The following SH3D19 variants were observed in gnomAD, a reference collection of about 807,000 sequenced individuals.
SH3D19 encodes SH3 domain containing 19, also known as SH3 domain-containing protein 19.
A neutral mutation model predicts 112.1 loss-of-function variants in SH3D19; 58 were observed. The ratio of observed to expected loss-of-function variants is 0.52; its 90% CI spans 0.42 to 0.64. The LOEUF (loss-of-function observed/expected upper bound fraction) is 0.64, where lower values mean the gene tolerates loss of function less well. Among genes scored for constraint, SH3D19 ranks in the 30% least tolerant of loss-of-function variants. The pLI is 0.00. For missense variants in SH3D19, 1,090 were observed against 1,263.4 expected (o/e 0.86, Z 2.08); for synonymous variants, 391 against 448.5 (o/e 0.87, Z 1.62).
In SH3D19 at chr4:151,241,546, C is replaced by CTTTA. The variant is rs924908715; in HGVS notation, c.113-15464_113-15461dup. ...AACTCTGTGAATACACTAAAAACCA[C>CTTTA]TTTATTTATTTATTTATTTATCTAA... On this transcript the variant is annotated intron_variant, in intron 1 of 19. Transcript: ENST00000604030. 1.0e-3 allele frequency among the ~76,000 whole-genome samples: 149 copies of CTTTA among 144,622 alleles called. 2 individuals are homozygous for CTTTA. Among genetic ancestry groups the CTTTA allele is most frequent in the African/African-American group, 2.8e-3 (98 of 34,464 alleles). The allele number at this position is 144,622 out of a possible 152,430, so 94.9% of individuals were successfully genotyped here. A position where few individuals can be genotyped will look rare whatever the true frequency, so the allele number is the denominator to read the frequency against.
chr4:151,270,243 G>A (rs1773139040), intron 1 of SH3D19, among the ~76,000 whole-genome samples: 1 of 152,158 alleles, frequency 6.6e-6, no homozygotes, highest in Non-Finnish European at 1.5e-5. Flanking sequence ...TGGAGGTGGG[G>A]CCTGGTGGGA....
intron 1 of SH3D19, among the ~76,000 whole-genome samples, chr4:151,307,311 T>C (rs1055583334): frequency 3.3e-5 from 5 of 152,320 alleles, no homozygotes; most frequent in South Asian, 2.1e-4. Context: ...CGTGAGCCAC[T>C]GCGCCCGGCC....
At chr4:151,323,052 A>G (rs72969512) in intron 1 of SH3D19, among the ~76,000 whole-genome samples, 26 of 152,294 alleles carry the variant, frequency 1.7e-4, no homozygotes, top group African/African-American at 6.0e-4. Flanking sequence ...CTATTTCTTG[A>G]CTTGAGCATG....
At chr4:151,255,053 C>T (rs548526955) in intron 1 of SH3D19, among the ~76,000 whole-genome samples, 4,130 of 144,638 alleles carry the variant, frequency 0.029, 205 homozygotes, top group African/African-American at 0.099. Flanking sequence ...ACCTCCCGGA[C>T]GGGGCGGCTG....
intron 1 of SH3D19, among the ~76,000 whole-genome samples, chr4:151,299,564 G>C (rs564427450): frequency 7.8e-6 from 1 of 129,032 alleles, no homozygotes; most frequent in African/African-American, 3.0e-5. Context: ...TGGGCAACAA[G>C]AGCGAAACTC....
intron 3 of SH3D19, among the ~76,000 whole-genome samples, chr4:151,186,263 G>C (rs1761757798): frequency 6.6e-6 from 1 of 152,096 alleles, no homozygotes; most frequent in Non-Finnish European, 1.5e-5. Flanking sequence ...TTGACCAAGA[G>C]ATAAGGACAG....
intron 6 of SH3D19, 115 bp downstream of exon 6, chr4:151,176,419 G>A: frequency 2.7e-6 from 2 of 741,888 alleles, no homozygotes; most frequent in Non-Finnish European, 3.7e-6. Context: ...CACTGACTGG[G>A]CAGCAGAGCT....
At chr4:151,155,467 T>C (rs1453704926) in intron 9 of SH3D19, among the ~76,000 whole-genome samples, 1 of 152,214 alleles carries the variant, frequency 6.6e-6, no homozygotes, top group Non-Finnish European at 1.5e-5. Flanking sequence ...GCCTGTATAA[T>C]AAGCATAGTT....
At chr4:151,281,393 G>A (rs1197285622) in intron 1 of SH3D19, among the ~76,000 whole-genome samples, 4 of 152,256 alleles carry the variant, frequency 2.6e-5, no homozygotes, top group South Asian at 2.1e-4. Flanking sequence ...AAGAACAAAC[G>A]CATTAAATAC....
At chr4:151,188,341 T>C (rs1311284042) in intron 2 of SH3D19, among the ~76,000 whole-genome samples, 1 of 152,360 alleles carries the variant, frequency 6.6e-6, no homozygotes, top group Non-Finnish European at 1.5e-5. Flanking sequence ...TTAAAGGCTT[T>C]CTGTAAAACA....
In SH3D19 at chr4:151,175,133, C is replaced by T; in HGVS notation, c.1071G>A (p.Lys357=). The T allele has an allele frequency of 6.2e-7, 1 of 1,614,106 alleles. No homozygotes were observed. Among genetic ancestry groups the T allele is most frequent in the Non-Finnish European group, 8.5e-7 (1 of 1,180,008 alleles). ...GGGTGAGTCCTTCCTTGGAGGTCAC[C>T]TTGAGTCTGTTCTCAGTCCCAGAGT... ...EWDSGTENRL[K]VTSKEGLTPY... The change falls in exon 7 of 20, where the codon AAG becomes AAA. Residue 357 remains lysine, a synonymous_variant. Transcript: ENST00000604030.
chr4:151,232,508 A>G (rs915533095), intron 1 of SH3D19, among the ~76,000 whole-genome samples: 2 of 152,234 alleles, frequency 1.3e-5, no homozygotes, highest in African/African-American at 4.8e-5. Flanking sequence ...AAGGCCAGCT[A>G]TTAACTAGTT....
intron 1 of SH3D19, chr4:151,291,525 T>C (rs1327839519): frequency 1.1e-5 from 13 of 1,139,008 alleles, no homozygotes; most frequent in Non-Finnish European, 1.6e-5. Context: ...TTTAAGGTTT[T>C]TGATTTTGGA....
At chr4:151,149,594 G>A (rs1159266248) in intron 9 of SH3D19, 33 bp from the exon 10 acceptor site, 1 of 1,591,712 alleles carries the variant, frequency 6.3e-7, no homozygotes, top group African/African-American at 1.3e-5. Flanking sequence ...TTTAGTTAAG[G>A]TTAATCTGAA....
chr4:151,169,335 C>T (rs1758648137), intron 7 of SH3D19, among the ~76,000 whole-genome samples: 2 of 152,070 alleles, frequency 1.3e-5, no homozygotes, highest in South Asian at 2.1e-4. Context: ...AGGAAGTCTT[C>T]GTGTTCCACC....
chr4:151,313,110 A>T (rs1307576246), intron 1 of SH3D19, among the ~76,000 whole-genome samples: 1 of 144,958 alleles, frequency 6.9e-6, no homozygotes, highest in Admixed American at 7.0e-5. Context: ...AAAAATGCAG[A>T]GTTGCAGCTC....
At chr4:151,144,162 A>G (rs1336429008) in intron 11 of SH3D19, 112 bp from the exon 12 acceptor site, 1 of 1,597,440 alleles carries the variant, frequency 6.3e-7, no homozygotes, top group Non-Finnish European at 8.6e-7. Flanking sequence ...TAATGGTAGT[A>G]ACAGAGGCCA....
chr4:151,324,540 G>A (rs1381464745), intron 1 of SH3D19, among the ~76,000 whole-genome samples: 1 of 129,348 alleles, frequency 7.7e-6, no homozygotes, highest in African/African-American at 2.9e-5. Context: ...AGAGGGAAGG[G>A]GTGTGGATCT....
In SH3D19 at chr4:151,176,645, CTTGG is replaced by C; in HGVS notation, c.414_417del (p.Asn138LysfsTer32). The stretch of plus-strand genomic sequence containing the variant: ...TTATTATTTGTAGTATTAACTTGAA[CTTGG>C]TTGATTTCTTTTATAACTTGTTCAT... On this transcript the variant is annotated frameshift_variant, in exon 6 of 20. Transcript: ENST00000604030. LOFTEE classifies it high-confidence loss of function. 1 of 1,231,990 alleles carries C rather than the reference CTTGG, an allele frequency of 8.1e-7. No homozygotes were observed. The highest frequency in any genetic ancestry group is 1.0e-6 in the Non-Finnish European group (1 of 987,872). The allele number at this position is 1,231,990 out of a possible 1,614,324, so 76.3% of individuals were successfully genotyped here. A position where few individuals can be genotyped will look rare whatever the true frequency, so the allele number is the denominator to read the frequency against.
Sources: allele counts gnomAD v4.1 joint callset (sites outside exome capture counted in the v4.1 genomes callset), GRCh38; gene constraint gnomAD v4.1.1; transcripts MANE v1.5; gene names NCBI Gene and HGNC (gene_info 2026-07-23, HGNC 2026-07-21).